The following SLC12A6 variants were observed in gnomAD, a reference collection of about 807,000 sequenced individuals.
SLC12A6 encodes the protein solute carrier family 12 member 6.
Under a neutral mutation model 135.3 loss-of-function variants are expected in SLC12A6, and 66 were observed. The observed-to-expected ratio is 0.49, with a 90% CI of 0.40 to 0.60. The LOEUF is 0.60. SLC12A6 is among the 20% of genes least tolerant of loss of function. SLC12A6 has a pLI of 0.00. For synonymous variants in SLC12A6, 513 were observed against 508.8 expected (o/e 1.01, Z -0.11); for missense variants, 1,058 against 1,452.3 (o/e 0.73, Z 4.41).
intron 17 of SLC12A6, 142 bp from the exon 18 acceptor site, chr15:34,241,479 C>T: frequency 4.7e-6 from 3 of 640,602 alleles, no homozygotes; most frequent in Non-Finnish European, 8.3e-6. Flanking sequence ...ACATAATGTT[C>T]TTTACTAACA....
At chr15:34,250,567 G>A (rs1008817255) in intron 12 of SLC12A6, 64 bp downstream of exon 12, 7 of 931,780 alleles carry the variant, frequency 7.5e-6, no homozygotes, top group Non-Finnish European at 9.0e-6. Flanking sequence ...TAAAAATACT[G>A]ATCATCTAGT....
chr15:34,306,189 G>A (rs1247559094), intron 2 of SLC12A6, among the ~76,000 whole-genome samples: 1 of 152,216 alleles, frequency 6.6e-6, no homozygotes, highest in East Asian at 1.9e-4. Flanking sequence ...AGATTTAGTT[G>A]TTGGAGGACC....
intron 24 of SLC12A6, among the ~76,000 whole-genome samples, chr15:34,235,740 A>T (rs1199247840): frequency 2.6e-5 from 4 of 152,126 alleles, no homozygotes; most frequent in Admixed American, 6.5e-5. Context: ...GCCCAGGCTA[A>T]AATGGTTTCT....
In SLC12A6 at chr15:34,230,962, TTC is replaced by T. The variant is rs1890881753; in HGVS notation, c.*2917_*2918del. On this transcript the variant is annotated 3_prime_UTR_variant, in exon 26 of 26. Transcript: ENST00000354181. ...AACTTTACTTTCTGCCCATAATTTG[TTC>T]TACATGGAAAAAAAAAATATTACTT... 3 of 152,222 alleles carry T rather than the reference TTC, an allele frequency of 2.0e-5. No individual in the cohort carries two copies. Among genetic ancestry groups the T allele is most frequent in the Non-Finnish European group, 4.4e-5 (3 of 68,032 alleles). The allele number at this position is 152,222 out of a possible 1,614,324, so 9.4% of individuals were successfully genotyped here. A position where few individuals can be genotyped will look rare whatever the true frequency, so the allele number is the denominator to read the frequency against.
intron 21 of SLC12A6, 151 bp downstream of exon 21, chr15:34,238,081 G>C (rs775988856): frequency 1.6e-4 from 107 of 672,326 alleles, no homozygotes; most frequent in Non-Finnish European, 3.7e-5. Flanking sequence ...TCTCTTGTTT[G>C]AAAGTGGGAT....
At chr15:34,316,665 C>T (rs1364596804) in intron 2 of SLC12A6, among the ~76,000 whole-genome samples, 1 of 152,122 alleles carries the variant, frequency 6.6e-6, no homozygotes, top group Admixed American at 6.6e-5. Flanking sequence ...TAAATTACAC[C>T]TAATAATGTC....
chr15:34,322,112 G>A (rs540458833), intron 2 of SLC12A6, among the ~76,000 whole-genome samples: 12 of 152,300 alleles, frequency 7.9e-5, no homozygotes, highest in Admixed American at 7.2e-4. Context: ...TTTGCCGGGC[G>A]TGGTGGCTCA....
intron 2 of SLC12A6, among the ~76,000 whole-genome samples, chr15:34,280,413 T>G (rs1367104476): frequency 1.3e-5 from 2 of 152,162 alleles, no homozygotes; most frequent in Non-Finnish European, 2.9e-5. Flanking sequence ...AAAAGTTGTT[T>G]CAGGAAAACA....
At chr15:34,261,060 T>C in intron 3 of SLC12A6, 40 bp from the exon 4 acceptor site, 1 of 1,035,352 alleles carries the variant, frequency 9.7e-7, no homozygotes, top group East Asian at 2.4e-5. Context: ...TTCTCACTGG[T>C]TTCTGACGAA....
Position 34,295,483 on chromosome 15 carries a change from C to T in SLC12A6, c.272-20094G>A, listed in dbSNP as rs533923821. 2.0e-5 allele frequency among the ~76,000 whole-genome samples: 3 copies of T among 152,162 alleles called. No individual in the cohort carries two copies. In the South Asian group the frequency reaches 6.2e-4, roughly 32 times the overall value. The stretch of plus-strand genomic sequence containing the variant: ...AATTATATGCTAAAAAGAGTCATGG[C>T]GACAAATTAGAATTTAGGTAGCTGG... On this transcript the variant is annotated intron_variant, in intron 2 of 25. Transcript: ENST00000354181.
intron 13 of SLC12A6, among the ~76,000 whole-genome samples, chr15:34,247,013 C>A (rs1892039058): frequency 1.3e-5 from 2 of 152,232 alleles, no homozygotes; most frequent in Admixed American, 1.3e-4. Context: ...TAAAACATTT[C>A]AAAATCACTA....
At chr15:34,266,721 C>G (rs1453453298) in intron 3 of SLC12A6, among the ~76,000 whole-genome samples, 1 of 152,158 alleles carries the variant, frequency 6.6e-6, no homozygotes, top group East Asian at 1.9e-4. Context: ...TGTGAGCCAC[C>G]GGGCCTGGCT....
At chr15:34,240,512 G>A in intron 19 of SLC12A6, 149 bp downstream of exon 19, 1 of 671,698 alleles carries the variant, frequency 1.5e-6, no homozygotes, top group Non-Finnish European at 2.6e-6. Flanking sequence ...CTTATTATTT[G>A]GGAAAAAGTG....
rs767457252 is a variant in SLC12A6, at chr15:34,336,467, T to C, written c.214A>G (p.Thr72Ala). 22 of 1,613,830 alleles carry C rather than the reference T, an allele frequency of 1.4e-5. No homozygotes were observed. Among genetic ancestry groups the C allele is most frequent in the African/African-American group, 4.0e-5 (3 of 74,898 alleles). ...TCACTGGGTGGATCCAGTGCAACAG[T>C]TGCCAGCGAAGTGGTGGCCCCAGAC... ...EMSGATTSLA[T>A]VALDPPSDRT... The change falls in exon 2 of 26, where the codon ACT (threonine) becomes GCT (alanine). Residue 72 changes from threonine (T) to alanine (A), a missense_variant. Around this residue, in one of 6 missense-constraint regions of SLC12A6, gnomAD observed 176 missense variants for 168.9 expected, o/e 1.04. Transcript: ENST00000354181.
chr15:34,311,678 T>A (rs1888266248), intron 2 of SLC12A6, among the ~76,000 whole-genome samples: 1 of 152,266 alleles, frequency 6.6e-6, no homozygotes, highest in Non-Finnish European at 1.5e-5. Context: ...AAAAAGGCAA[T>A]AACCACCCAC....
chr15:34,257,782 G>A lies in SLC12A6; in HGVS notation c.550C>T (p.Gln184Ter), dbSNP rs935119099. ...EGKKKPTKTP[Q>*]MGTFMGVYLP... Reference sequence around the variant, plus strand: ...TAGACACCCATGAAGGTACCCATTTGGGGGGTCTAGAAAGAAAGACATTGA... The same window carrying A: ...TAGACACCCATGAAGGTACCCATTTAGGGGGTCTAGAAAGAAAGACATTGA... The change falls in exon 6 of 26, where the codon CAA becomes TAA. Residue 184 changes from glutamine (Q) to a stop codon, truncating the protein, a stop_gained. Transcript: ENST00000354181. LOFTEE classifies it high-confidence loss of function. The A allele has an allele frequency of 6.2e-7, 1 of 1,601,584 alleles. No homozygotes were observed. The highest frequency in any genetic ancestry group is 1.7e-5 in the Admixed American group (1 of 59,966).
rs888335252 is a variant in SLC12A6 at position 34,276,644 on chromosome 15, G to GA, written c.272-1256dup. 2.6e-5 allele frequency among the ~76,000 whole-genome samples: 4 copies of GA among 151,986 alleles called. No individual in the cohort carries two copies. The East Asian group carries it at 5.8e-4, about 22-fold the overall frequency. ...AGACCAGGGTTTATGTGAACAATGGGAAAAAAAGTCACATCTTTATTTTCA... is the reference window on the plus strand; with the variant it reads ...AGACCAGGGTTTATGTGAACAATGGGAAAAAAAAGTCACATCTTTATTTTCA... On this transcript the variant is annotated intron_variant, in intron 2 of 25. Coordinates refer to ENST00000354181, the MANE Select transcript of SLC12A6 (RefSeq NM_001365088.1).
intron 3 of SLC12A6, among the ~76,000 whole-genome samples, 179 bp downstream of exon 3, chr15:34,275,166 T>G (rs1228518534): frequency 1.3e-5 from 2 of 152,140 alleles, no homozygotes; most frequent in Non-Finnish European, 2.9e-5. Flanking sequence ...TAATCAATTA[T>G]AGAAGTAGTT....
intron 3 of SLC12A6, among the ~76,000 whole-genome samples, chr15:34,261,559 A>G (rs1313262890): frequency 6.6e-6 from 1 of 152,148 alleles, no homozygotes; most frequent in Non-Finnish European, 1.5e-5. Flanking sequence ...CAGCCTCCCA[A>G]AGTGCTGGGA....
Sources: allele counts gnomAD v4.1 joint callset (sites outside exome capture counted in the v4.1 genomes callset), GRCh38; gene constraint gnomAD v4.1.1; regional missense constraint gnomAD v4.1.1; transcripts MANE v1.5; gene names NCBI Gene and HGNC (gene_info 2026-07-23, HGNC 2026-07-21).